Variants in TMC1 observed in about 807,000 individuals in gnomAD.
TMC1 encodes transmembrane channel like 1, also known as transmembrane channel-like protein 1.
TMC1 carries 84 observed loss-of-function variants against 105.8 expected under a neutral mutation model. That is an observed-to-expected ratio of 0.79 (90% CI 0.67 to 0.95). The LOEUF (loss-of-function observed/expected upper bound fraction) is 0.95, where lower values mean the gene tolerates loss of function less well. Among genes scored for constraint, TMC1 ranks in the 40% least tolerant of loss-of-function variants. TMC1 has a pLI of 0.00. For missense variants in TMC1, 817 were observed against 914.1 expected, an observed-to-expected ratio of 0.89 and a Z score of 1.37; for synonymous variants, 315 against 311.5, an observed-to-expected ratio of 1.01 and a Z score of -0.12.
chr9:72,657,415 G>C (rs1256076900), intron 5 of TMC1, among the ~76,000 whole-genome samples: 1 of 152,134 alleles, frequency 6.6e-6, no homozygotes, highest in Non-Finnish European at 1.5e-5. Context: ...TGCATTCCTA[G>C]TTACTGCATT....
intron 8 of TMC1, among the ~76,000 whole-genome samples, chr9:72,710,643 C>T (rs1456996707): frequency 1.3e-5 from 2 of 152,020 alleles, no homozygotes; most frequent in African/African-American, 4.8e-5. Context: ...TTTGTTTTGT[C>T]TGATATAAGA....
chr9:72,643,655 G>A (rs956531796), intron 4 of TMC1, among the ~76,000 whole-genome samples: 5 of 152,060 alleles, frequency 3.3e-5, no homozygotes, highest in Non-Finnish European at 5.9e-5. Flanking sequence ...TTACAAATTA[G>A]CATTCAATTA....
chr9:72,584,864 A>T (rs1314146274), intron 2 of TMC1, among the ~76,000 whole-genome samples: 1 of 138,392 alleles, frequency 7.2e-6, no homozygotes, highest in African/African-American at 2.8e-5. Flanking sequence ...GGCTCACTGC[A>T]TCCTCCGCCG....
chr9:72,609,824 T>A (rs1403096728), intron 2 of TMC1, among the ~76,000 whole-genome samples: 1 of 152,074 alleles, frequency 6.6e-6, no homozygotes, highest in Non-Finnish European at 1.5e-5. Context: ...ATTATTTCCT[T>A]CCATCAAATT....
intron 5 of TMC1, among the ~76,000 whole-genome samples, chr9:72,674,074 T>C (rs1018114057): frequency 6.6e-5 from 10 of 152,178 alleles, no homozygotes; most frequent in African/African-American, 2.4e-4. Flanking sequence ...GGAACAAACC[T>C]GACAAAAGTG....
rs114520158 is a variant in TMC1, at chr9:72,678,191, T to C, written c.17-10518T>C. On this transcript the variant is annotated intron_variant, in intron 5 of 23. Transcript: ENST00000297784. Reference sequence around the variant, plus strand: ...ATTTAAATCTTGGTTATGCCACTTATTGGTTGTATGATTTTTGTCAAGTCA... The same window carrying C: ...ATTTAAATCTTGGTTATGCCACTTACTGGTTGTATGATTTTTGTCAAGTCA... Among the ~76,000 whole-genome samples, 734 of 152,228 alleles carry C rather than the reference T, an allele frequency of 4.8e-3. 8 individuals carry two copies. The highest frequency in any genetic ancestry group is 0.016 in the African/African-American group (676 of 41,566).
At chr9:72,760,111 A>G (rs1173207277) in intron 12 of TMC1, among the ~76,000 whole-genome samples, 1 of 152,146 alleles carries the variant, frequency 6.6e-6, no homozygotes, top group Non-Finnish European at 1.5e-5. Flanking sequence ...TTATTAAAAT[A>G]TTCATAATGG....
intron 5 of TMC1, among the ~76,000 whole-genome samples, chr9:72,650,919 T>G (rs545509806): frequency 7.0e-6 from 1 of 143,176 alleles, no homozygotes; most frequent in Non-Finnish European, 1.5e-5. Context: ...TATAGATATA[T>G]ATATAAATAT....
At chr9:72,802,823 T>C (rs1199722045) in intron 17 of TMC1, among the ~76,000 whole-genome samples, 3 of 152,174 alleles carry the variant, frequency 2.0e-5, no homozygotes, top group Non-Finnish European at 2.9e-5. Context: ...AATTTATAGA[T>C]TCAATGCTAT....
chr9:72,826,213 A>T (rs1828951135), intron 20 of TMC1, among the ~76,000 whole-genome samples: 1 of 152,206 alleles, frequency 6.6e-6, no homozygotes, highest in Non-Finnish European at 1.5e-5. Context: ...ATTCCTTAGT[A>T]AGTCAAGACA....
rs1319613360 is a variant in TMC1, at chr9:72,792,041, A to G, written c.1380A>G (p.Ala460=). 9.3e-6 allele frequency: 15 copies of G among 1,614,044 alleles called. No homozygotes were observed. The highest frequency in any genetic ancestry group is 1.3e-5 in the Non-Finnish European group (15 of 1,180,018). ...LLGNLYVFIL[A]LMDEINNKIE... ...GCAATTTATACGTATTTATTCTTGCATTAATGGATGAGATTAACAACAAGG... is the reference window on the plus strand; with the variant it reads ...GCAATTTATACGTATTTATTCTTGCGTTAATGGATGAGATTAACAACAAGG... Residue 460 remains alanine (A), a synonymous_variant, in exon 16 of 24, where the codon GCA becomes GCG. Transcript: ENST00000297784.
At chr9:72,642,117 C>T (rs1011867943) in intron 4 of TMC1, among the ~76,000 whole-genome samples, 1 of 151,974 alleles carries the variant, frequency 6.6e-6, no homozygotes, top group Admixed American at 6.6e-5. Flanking sequence ...GTGCCTGGCC[C>T]CAGATCTTAG....
At chr9:72,829,372 C>T (rs1829006753) in intron 21 of TMC1, among the ~76,000 whole-genome samples, 1 of 152,140 alleles carries the variant, frequency 6.6e-6, no homozygotes, top group South Asian at 2.1e-4. Context: ...ATTTAACGTG[C>T]ATTACAAGGT....
intron 4 of TMC1, among the ~76,000 whole-genome samples, chr9:72,632,484 A>G (rs1032840611): frequency 2.0e-5 from 3 of 152,186 alleles, no homozygotes; most frequent in East Asian, 3.9e-4. Context: ...AAGTTTCCCC[A>G]GGGCATAGGG....
At position 72,608,756 on chromosome 9, in the gene TMC1, T is replaced by C. The variant is rs1441362073; in HGVS notation, c.-305-7612T>C. Among the ~76,000 whole-genome samples the C allele has an allele frequency of 2.0e-5, 3 of 152,066 alleles. No homozygotes were observed. In the East Asian group the frequency reaches 5.8e-4, roughly 29 times the overall value. ...AATTAGGAGACATGCCTATAATGTT[T>C]ATTTAGTGGTGATACGTATGGTTTA... On this transcript the variant is annotated intron_variant, in intron 2 of 23. Transcript: ENST00000297784.
chr9:72,719,568 A>G (rs1826983241), intron 8 of TMC1, among the ~76,000 whole-genome samples: 1 of 152,152 alleles, frequency 6.6e-6, no homozygotes. Context: ...TGCAGGAGCA[A>G]CCTGTTTCCT....
At chr9:72,595,153 A>G (rs528032316) in intron 2 of TMC1, among the ~76,000 whole-genome samples, 32 of 152,260 alleles carry the variant, frequency 2.1e-4, no homozygotes, top group Admixed American at 1.9e-3. Context: ...GGTGTGAGCC[A>G]ACATGCCTGG....
chr9:72,575,428 G>T lies in TMC1; in HGVS notation c.-427-2474G>T, dbSNP rs1230119646. On this transcript the variant is annotated intron_variant, in intron 1 of 23. Coordinates refer to ENST00000297784, the MANE Select transcript of TMC1 (RefSeq NM_138691.3). Reference sequence around the variant, plus strand: ...ACTCCTGACCTCAGGTGATCTGCCCGCCTCGGCCTCCCAAAGTGCTGGGAT... The same window carrying T: ...ACTCCTGACCTCAGGTGATCTGCCCTCCTCGGCCTCCCAAAGTGCTGGGAT... Among the ~76,000 whole-genome samples, 7 of 152,224 alleles carry T rather than the reference G, an allele frequency of 4.6e-5. No individual in the cohort carries two copies. The East Asian group carries it at 1.4e-3, about 29-fold the overall frequency.
At chr9:72,676,188 T>A (rs1431506839) in intron 5 of TMC1, among the ~76,000 whole-genome samples, 1 of 152,104 alleles carries the variant, frequency 6.6e-6, no homozygotes, top group Non-Finnish European at 1.5e-5. Flanking sequence ...ATCAAGAGAG[T>A]TAATAAATAC....
Sources: allele counts gnomAD v4.1 joint callset (sites outside exome capture counted in the v4.1 genomes callset), GRCh38; gene constraint gnomAD v4.1.1; transcripts MANE v1.5; gene names NCBI Gene and HGNC (gene_info 2026-07-23, HGNC 2026-07-21).